The following SYNPR variants were observed in gnomAD, a reference collection of about 807,000 sequenced individuals.
SYNPR encodes synaptoporin.
In SYNPR, 23 loss-of-function variants were observed where a neutral mutation model predicts 32.9. The ratio of observed to expected loss-of-function variants is 0.70; its 90% CI spans 0.50 to 0.99. The LOEUF is 0.99. Among genes scored for constraint, SYNPR ranks in the 50% least tolerant of loss-of-function variants. The pLI is 0.00. For missense variants in SYNPR, 318 were observed against 349.3 expected (o/e 0.91, Z 0.71); for synonymous variants, 146 against 135.9 (o/e 1.07, Z -0.52).
chr3:63,325,565 G>A (rs576611629), intron 2 of SYNPR, among the ~76,000 whole-genome samples: 1 of 152,194 alleles, frequency 6.6e-6, no homozygotes, highest in African/African-American at 2.4e-5. Context: ...TGGCTAGCTG[G>A]TTCTCCATCT....
chr3:63,245,751 G>C (rs2086283191), intron 1 of SYNPR, among the ~76,000 whole-genome samples: 1 of 118,546 alleles, frequency 8.4e-6, no homozygotes, highest in African/African-American at 3.0e-5. Context: ...ATGTGTGTGT[G>C]TGTGTGTGTG....
chr3:63,408,220 G>T (rs376530235), intron 2 of SYNPR, among the ~76,000 whole-genome samples: 3 of 68,686 alleles, frequency 4.4e-5, no homozygotes, highest in African/African-American at 6.9e-5. Flanking sequence ...AAGGAAGGAA[G>T]GAAGGAAGGA....
At chr3:63,443,596 T>C in intron 2 of SYNPR, 1 of 1,063,374 alleles carries the variant, frequency 9.4e-7, no homozygotes, top group South Asian at 1.7e-5. Context: ...TCTCTAGTAA[T>C]AATCTCTATT....
intron 2 of SYNPR, among the ~76,000 whole-genome samples, chr3:63,289,998 CG>C (rs2106928994): frequency 6.6e-6 from 1 of 151,834 alleles, no homozygotes; most frequent in South Asian, 2.1e-4. Flanking sequence ...GGCGTGGTGG[CG>C]GGTGTCTGTA....
chr3:63,372,809 G>A (rs1407571760), intron 2 of SYNPR, among the ~76,000 whole-genome samples: 11 of 152,188 alleles, frequency 7.2e-5, no homozygotes, highest in Non-Finnish European at 1.6e-4. Context: ...AAGATCTGCA[G>A]CTAGCACTTG....
At chr3:63,205,487 T>G in the SYNPR span, among the ~76,000 whole-genome samples, 98 of 152,300 alleles carry the variant, frequency 6.4e-4, no homozygotes, top group African/African-American at 1.6e-3. Context: ...TCCCCATCAC[T>G]TATAGGGAGA....
At chr3:63,362,292 GTTGT>G (rs1460986879) in intron 2 of SYNPR, among the ~76,000 whole-genome samples, 6 of 152,130 alleles carry the variant, frequency 3.9e-5, no homozygotes, top group African/African-American at 4.8e-5. Context: ...TTTTGTTGTT[GTTGT>G]TTGTTTGTTT....
At chr3:63,474,425 G>C (rs1262752921) in intron 2 of SYNPR, among the ~76,000 whole-genome samples, 1 of 152,168 alleles carries the variant, frequency 6.6e-6, no homozygotes. Context: ...AACTAAATAA[G>C]TGAGTAAGTA....
chr3:63,338,528 A>T (rs2087323446), intron 2 of SYNPR, among the ~76,000 whole-genome samples: 1 of 152,232 alleles, frequency 6.6e-6, no homozygotes, highest in Non-Finnish European at 1.5e-5. Context: ...TATTTTTCAG[A>T]AGCTTCAGAT....
chr3:63,585,619 A>G (rs1703170503), intron 4 of SYNPR, among the ~76,000 whole-genome samples: 1 of 152,084 alleles, frequency 6.6e-6, no homozygotes, highest in Admixed American at 6.6e-5. Context: ...AATCTTGCAT[A>G]CCAGAGACAC....
chr3:63,281,052 A>G (rs1490978225), intron 2 of SYNPR, among the ~76,000 whole-genome samples: 1 of 152,200 alleles, frequency 6.6e-6, no homozygotes, highest in Non-Finnish European at 1.5e-5. Flanking sequence ...ACAGAGGGAA[A>G]GAACATACAT....
chr3:63,299,404 G>GT (rs1560183972), intron 2 of SYNPR, among the ~76,000 whole-genome samples: 1 of 151,782 alleles, frequency 6.6e-6, no homozygotes, highest in Non-Finnish European at 1.5e-5. Context: ...GTTTTGTTTC[G>GT]TTTTTTGTTT....
chr3:63,580,227 T>C (rs1703064919), intron 4 of SYNPR, among the ~76,000 whole-genome samples: 1 of 152,182 alleles, frequency 6.6e-6, no homozygotes, highest in South Asian at 2.1e-4. Flanking sequence ...TGTATGTTTA[T>C]TGATAATACT....
At chr3:63,227,367 C>A (rs10212386), upstream of SYNPR, among the ~76,000 whole-genome samples, 35,492 of 152,102 alleles carry the variant, frequency 0.23, 4,353 homozygotes, top group Middle Eastern at 0.36. Flanking sequence ...CTGGGATACA[C>A]AACACAGCCC....
intron 4 of SYNPR, among the ~76,000 whole-genome samples, chr3:63,586,718 C>T (rs1333582927): frequency 6.8e-6 from 1 of 147,030 alleles, no homozygotes; most frequent in Admixed American, 6.8e-5. Flanking sequence ...TATATATATA[C>T]TAATAAGTTA....
At chr3:63,345,342 G>A (rs13060701) in intron 2 of SYNPR, among the ~76,000 whole-genome samples, 31,674 of 152,164 alleles carry the variant, frequency 0.21, 3,795 homozygotes, top group South Asian at 0.38. Flanking sequence ...AGCAAAGGTA[G>A]CTTGTGAGGT....
rs558630451 is a variant in SYNPR, at chr3:63,541,128, T to G, written c.210-15415T>G. ...CTACTGAGCTGGTAAGTTGCGAATG[T>G]CAGACTTCCATTTTGCCCACCGCAG... On this transcript the variant is annotated intron_variant, in intron 3 of 5. Coordinates refer to ENST00000478300, the MANE Select transcript of SYNPR (RefSeq NM_001130003.2). Among the ~76,000 whole-genome samples the G allele has an allele frequency of 1.4e-4, 21 of 151,826 alleles. No individual in the cohort carries two copies. The East Asian group carries it at 1.8e-3, about 13-fold the overall frequency.
At chr3:63,476,960 A>T (rs967741855) in intron 2 of SYNPR, among the ~76,000 whole-genome samples, 2 of 152,198 alleles carry the variant, frequency 1.3e-5, no homozygotes, top group African/African-American at 4.8e-5. Context: ...GTCATTAAAC[A>T]TCCAATGATT....
intron 2 of SYNPR, among the ~76,000 whole-genome samples, chr3:63,466,599 C>T (rs1360909415): frequency 6.6e-6 from 1 of 151,990 alleles, no homozygotes; most frequent in Admixed American, 6.6e-5. Context: ...TGTGTGTTAG[C>T]CAGCTCAGGC....
Sources: allele counts gnomAD v4.1 joint callset (sites outside exome capture counted in the v4.1 genomes callset), GRCh38; gene constraint gnomAD v4.1.1; transcripts MANE v1.5; gene names NCBI Gene and HGNC (gene_info 2026-07-23, HGNC 2026-07-21).